DOCK5: variants seen among roughly 807,000 people sequenced by gnomAD.
DOCK5 encodes dedicator of cytokinesis 5.
In DOCK5, 142 loss-of-function variants were observed where a neutral mutation model predicts 251.8. That is an observed-to-expected ratio of 0.56 (90% CI 0.49 to 0.65). The LOEUF (loss-of-function observed/expected upper bound fraction) is 0.65, where lower values mean the gene tolerates loss of function less well. Among genes scored for constraint, DOCK5 ranks in the 30% least tolerant of loss-of-function variants. DOCK5 has a pLI of 0.00. For synonymous variants in DOCK5, 842 were observed against 835.5 expected (o/e 1.01, Z -0.13); for missense variants, 2,111 against 2,312.3 (o/e 0.91, Z 1.79).
intron 36 of DOCK5, 100 bp downstream of exon 36, chr8:25,373,758 T>G (rs1188238719): frequency 3.0e-5 from 34 of 1,149,136 alleles, no homozygotes; most frequent in Non-Finnish European, 4.2e-5. Flanking sequence ...GTTTGCTGCT[T>G]TGAGAGACCC....
At chr8:25,399,846 C>T in intron 45 of DOCK5, 65 bp from the exon 46 acceptor site, 1 of 1,296,894 alleles carries the variant, frequency 7.7e-7, no homozygotes, top group South Asian at 1.3e-5. Flanking sequence ...ATGTTTCACC[C>T]TTCCAGGCTT....
intron 2 of DOCK5, among the ~76,000 whole-genome samples, chr8:25,259,978 G>A (rs1032761954): frequency 2.0e-5 from 3 of 152,232 alleles, no homozygotes; most frequent in Non-Finnish European, 2.9e-5. Flanking sequence ...TGAGTTCCAT[G>A]TGGAGTGCGG....
intron 2 of DOCK5, among the ~76,000 whole-genome samples, 160 bp from the exon 3 acceptor site, chr8:25,268,685 T>A (rs1243502848): frequency 6.6e-6 from 1 of 152,222 alleles, no homozygotes; most frequent in African/African-American, 2.4e-5. Flanking sequence ...ATTTTTCTTG[T>A]GTAATAAACT....
intron 14 of DOCK5, among the ~76,000 whole-genome samples, chr8:25,318,621 AC>A (rs1805333987): frequency 7.1e-6 from 1 of 141,780 alleles, no homozygotes; most frequent in Admixed American, 7.1e-5. Context: ...TTTAATTAAG[AC>A]AAGATCTAAT....
rs542832565 is a variant in DOCK5 at position 25,340,977 on chromosome 8, G to A, written c.2428G>A (p.Val810Ile). The change falls in exon 23 of 52, where the codon GTC becomes ATC. Residue 810 changes from valine (V) to isoleucine (I), a missense_variant. Physicochemically the swap from Val to Ile is conservative, Grantham distance 29 (BLOSUM62 3). This residue lies in a region of DOCK5 where 1,717 missense variants were observed against 1,892.4 expected (regional missense o/e 0.91). Coordinates refer to ENST00000276440, the MANE Select transcript of DOCK5 (RefSeq NM_024940.8). The stretch of plus-strand genomic sequence containing the variant: ...GATGGACAGGCCTCTGGAGGAAGCC[G>A]TCAAGATCAAGGTCAGCCTGGCAGC... ...MLMDRPLEEAVKIKGAALKYL... is the reference protein window; with the variant it reads ...MLMDRPLEEAIKIKGAALKYL... 2.0e-5 allele frequency: 32 copies of A among 1,611,344 alleles called. No homozygotes were observed. The highest frequency in any genetic ancestry group is 1.7e-4 in the Middle Eastern group (1 of 6,058).
At chr8:25,367,794 A>C (rs1165415707) in intron 31 of DOCK5, among the ~76,000 whole-genome samples, 1 of 152,170 alleles carries the variant, frequency 6.6e-6, no homozygotes, top group Non-Finnish European at 1.5e-5. Flanking sequence ...TATTACCCCA[A>C]TATCAGTCTA....
rs746763055 is a variant in DOCK5, at chr8:25,390,268, G to A, written c.4336G>A (p.Val1446Ile). The change falls in exon 42 of 52, where the codon GTT (valine) becomes ATT (isoleucine). Residue 1446 changes from valine (V) to isoleucine (I), a missense_variant. This residue lies in a region of DOCK5 where 1,717 missense variants were observed against 1,892.4 expected (regional missense o/e 0.91). Transcript: ENST00000276440. Reference protein sequence around the residue: ...SLPPSYKDKPVPEQILNYYRA... With the variant: ...SLPPSYKDKPIPEQILNYYRA... Reference sequence around the variant, plus strand: ...GCCGCCCAGCTACAAGGATAAACCTGTTCCAGAGCAGATCTTAAAGTAAGT... The same window carrying A: ...GCCGCCCAGCTACAAGGATAAACCTATTCCAGAGCAGATCTTAAAGTAAGT... 9 of 1,585,286 alleles carry A rather than the reference G, an allele frequency of 5.7e-6. No homozygotes were observed. Among genetic ancestry groups the A allele is most frequent in the African/African-American group, 1.3e-5 (1 of 74,176 alleles).
At chr8:25,281,173 TC>T (rs1262155981) in intron 5 of DOCK5, among the ~76,000 whole-genome samples, 1 of 152,034 alleles carries the variant, frequency 6.6e-6, no homozygotes, top group Non-Finnish European at 1.5e-5. Context: ...GTGCCTGTAA[TC>T]CCAGCACTTT....
At chr8:25,290,573 A>G (rs1804459093) in intron 5 of DOCK5, among the ~76,000 whole-genome samples, 1 of 152,228 alleles carries the variant, frequency 6.6e-6, no homozygotes, top group Non-Finnish European at 1.5e-5. Flanking sequence ...TGGTCTAACA[A>G]TTGGGGAAAT....
At chr8:25,388,098 A>T (rs1801196793) in intron 40 of DOCK5, among the ~76,000 whole-genome samples, 1 of 152,176 alleles carries the variant, frequency 6.6e-6, no homozygotes, top group South Asian at 2.1e-4. Flanking sequence ...TGGAAAGTGT[A>T]ATTGCCCTCA....
At chr8:25,353,621 A>T (rs957246146) in intron 27 of DOCK5, among the ~76,000 whole-genome samples, 2 of 152,166 alleles carry the variant, frequency 1.3e-5, no homozygotes, top group Non-Finnish European at 2.9e-5. Context: ...TCTATCAATT[A>T]CTTTTTATTT....
At chr8:25,311,874 A>G (rs984778703) in intron 13 of DOCK5, among the ~76,000 whole-genome samples, 7 of 151,782 alleles carry the variant, frequency 4.6e-5, no homozygotes, top group African/African-American at 1.7e-4. Context: ...GTGAGCTATG[A>G]TCGCACCACT....
At chr8:25,323,755 G>A (rs1236315738) in intron 16 of DOCK5, 93 bp from the exon 17 acceptor site, 8 of 1,371,116 alleles carry the variant, frequency 5.8e-6, no homozygotes, top group East Asian at 2.5e-5. Context: ...ATGGTTGAAC[G>A]CTGCACCCCC....
At chr8:25,256,268 C>T (rs982549724) in intron 2 of DOCK5, among the ~76,000 whole-genome samples, 1 of 152,112 alleles carries the variant, frequency 6.6e-6, no homozygotes, top group Non-Finnish European at 1.5e-5. Flanking sequence ...TTTGGTTAAT[C>T]TTCTAAATGG....
In DOCK5 at chr8:25,334,208, C is replaced by T. The variant is rs1805746588; in HGVS notation, c.2192+12C>T. 2 of 1,591,704 alleles carry T rather than the reference C, an allele frequency of 1.3e-6. No homozygotes were observed. The highest frequency in any genetic ancestry group is 8.6e-7 in the Non-Finnish European group (1 of 1,159,694). On this transcript the variant is annotated intron_variant, in intron 21 of 51. Coordinates refer to ENST00000276440, the MANE Select transcript of DOCK5 (RefSeq NM_024940.8). ...ACTTTGGCATATGTGTAAGTATGAT[C>T]TGAAGGAACTACATGTTGTTGGATC...
intron 44 of DOCK5, among the ~76,000 whole-genome samples, chr8:25,393,913 GCTGAA>G (rs375792413): frequency 7.3e-4 from 111 of 152,314 alleles, no homozygotes; most frequent in African/African-American, 2.6e-3. Context: ...CTTGACCAAA[GCTGAA>G]CTGAAGTTTG....
intron 34 of DOCK5, among the ~76,000 whole-genome samples, chr8:25,372,155 A>G (rs1383196808): frequency 6.6e-6 from 1 of 152,252 alleles, no homozygotes. Flanking sequence ...GAATAAAGAC[A>G]TAGGAAAAAT....
intron 24 of DOCK5, 71 bp downstream of exon 24, chr8:25,341,880 G>A: frequency 8.0e-7 from 1 of 1,242,686 alleles, no homozygotes; most frequent in Non-Finnish European, 1.1e-6. Context: ...TGGAGCCTGG[G>A]CTGCTACACC....
At chr8:25,247,580 G>C (rs1178838277) in intron 2 of DOCK5, among the ~76,000 whole-genome samples, 3 of 152,018 alleles carry the variant, frequency 2.0e-5, no homozygotes, top group Non-Finnish European at 4.4e-5. Flanking sequence ...GGGCAACAGA[G>C]TGAGTCCCTG....
Sources: allele counts gnomAD v4.1 joint callset (sites outside exome capture counted in the v4.1 genomes callset), GRCh38; gene constraint gnomAD v4.1.1; regional missense constraint gnomAD v4.1.1; transcripts MANE v1.5; gene names NCBI Gene and HGNC (gene_info 2026-07-23, HGNC 2026-07-21).